CDC5L: variants seen among roughly 807,000 people sequenced by gnomAD.
The protein encoded by CDC5L is cell division cycle 5-like protein.
In CDC5L, 18 loss-of-function variants were observed where a neutral mutation model predicts 104.1. The observed-to-expected ratio is 0.17, with a 90% CI of 0.12 to 0.26. The LOEUF (loss-of-function observed/expected upper bound fraction) is 0.26, where lower values mean the gene tolerates loss of function less well. Among genes scored for constraint, CDC5L ranks in the 10% least tolerant of loss-of-function variants. The pLI is 1.00. For missense variants in CDC5L, 673 were observed against 956.9 expected (o/e 0.70, Z 3.91); for synonymous variants, 331 against 322.7 (o/e 1.03, Z -0.28).
At chr6:44,446,143 TC>T (rs1793443161) in intron 15 of CDC5L, among the ~76,000 whole-genome samples, 1 of 152,238 alleles carries the variant, frequency 6.6e-6, no homozygotes, top group South Asian at 2.1e-4. Context: ...TTGTGATTTG[TC>T]CCCTTGAAAC....
At chr6:44,401,546 C>T (rs1791125336) in intron 5 of CDC5L, among the ~76,000 whole-genome samples, 1 of 152,064 alleles carries the variant, frequency 6.6e-6, no homozygotes, top group African/African-American at 2.4e-5. Context: ...GTCCTGGGTT[C>T]TTGGCTGCAC....
rs1425100197 is a variant in CDC5L at position 44,450,154 on chromosome 6, A to G, written c.*3443A>G. On this transcript the variant is annotated 3_prime_UTR_variant, in exon 16 of 16. Transcript: ENST00000371477. ...GCTAGAATTACAGGTGTGAGCCACC[A>G]TGCCCAGCCTGGTTATTGTATTTTG... 5 of 152,196 alleles carry G rather than the reference A, an allele frequency of 3.3e-5. No homozygotes were observed. The highest frequency in any genetic ancestry group is 2.6e-4 in the Admixed American group (4 of 15,276). The allele number at this position is 152,196 out of a possible 1,614,324, so 9.4% of individuals were successfully genotyped here.
At chr6:44,405,090 T>C (rs1791305790) in intron 6 of CDC5L, among the ~76,000 whole-genome samples, 1 of 152,230 alleles carries the variant, frequency 6.6e-6, no homozygotes, top group Non-Finnish European at 1.5e-5. Context: ...GGGATAAATA[T>C]ACATTTATAA....
At chr6:44,409,600 C>T (rs1791537333) in intron 8 of CDC5L, among the ~76,000 whole-genome samples, 1 of 152,138 alleles carries the variant, frequency 6.6e-6, no homozygotes, top group African/African-American at 2.4e-5. Context: ...TTGTTTTATT[C>T]AGTTGCTAAG....
intron 11 of CDC5L, 49 bp from the exon 12 acceptor site, chr6:44,426,054 T>TA (rs71305775): frequency 2.6e-5 from 33 of 1,250,174 alleles, no homozygotes; most frequent in Admixed American, 1.2e-4. Context: ...TACTGAGAGA[T>TA]ATCAAATACG....
At chr6:44,403,625 T>C (rs1356619686) in intron 5 of CDC5L, among the ~76,000 whole-genome samples, 184 bp from the exon 6 acceptor site, 1 of 152,192 alleles carries the variant, frequency 6.6e-6, no homozygotes, top group African/African-American at 2.4e-5. Flanking sequence ...TTTGCCTTAT[T>C]ATGTGTATGT....
intron 5 of CDC5L, among the ~76,000 whole-genome samples, chr6:44,399,900 C>T (rs1791041343): frequency 6.6e-6 from 1 of 152,070 alleles, no homozygotes; most frequent in Admixed American, 6.5e-5. Flanking sequence ...ATCTGCCTGC[C>T]TCGGCCTTCC....
intron 14 of CDC5L, among the ~76,000 whole-genome samples, chr6:44,441,932 C>CTTTTTTTTTTTT (rs145016358): frequency 1.1e-5 from 1 of 92,868 alleles, no homozygotes; most frequent in African/African-American, 4.4e-5. Context: ...AGGTCTTGTT[C>CTTTTTTTTTTTT]TTTTTTTTTT....
chr6:44,392,550 C>T, intron 2 of CDC5L, 117 bp from the exon 3 acceptor site: 2 of 867,948 alleles, frequency 2.3e-6, no homozygotes, highest in South Asian at 1.8e-5. Flanking sequence ...ATTCTGTTGT[C>T]AAAAAGAACA....
intron 1 of CDC5L, among the ~76,000 whole-genome samples, chr6:44,389,950 C>A (rs574304811): frequency 6.6e-6 from 1 of 152,140 alleles, no homozygotes; most frequent in Non-Finnish European, 1.5e-5. Flanking sequence ...GACAGCCACA[C>A]GTTGAAGAAT....
At chr6:44,395,489 C>A (rs765681202) in intron 4 of CDC5L, among the ~76,000 whole-genome samples, 10 of 152,180 alleles carry the variant, frequency 6.6e-5, no homozygotes, top group Non-Finnish European at 1.3e-4. Context: ...CCCTTTCTTG[C>A]GAGATGGGGA....
At chr6:44,390,402 A>G in intron 2 of CDC5L, 31 bp downstream of exon 2, 1 of 1,311,562 alleles carries the variant, frequency 7.6e-7, no homozygotes, top group Non-Finnish European at 1.1e-6. Flanking sequence ...TGGAAAACAG[A>G]AAAGGAGCTT....
At chr6:44,439,102 C>T in intron 14 of CDC5L, among the ~76,000 whole-genome samples, 1 of 152,150 alleles carries the variant, frequency 6.6e-6, no homozygotes, top group Non-Finnish European at 1.5e-5. Context: ...TAAGTGGAAT[C>T]ATGTAATATG....
At chr6:44,436,756 G>A (rs1225215447) in intron 14 of CDC5L, among the ~76,000 whole-genome samples, 3 of 152,040 alleles carry the variant, frequency 2.0e-5, no homozygotes, top group African/African-American at 7.2e-5. Flanking sequence ...TTTAGATACC[G>A]TATTATGAAA....
intron 12 of CDC5L, 66 bp downstream of exon 12, chr6:44,426,249 A>G (rs756939725): frequency 7.8e-5 from 91 of 1,170,830 alleles, no homozygotes; most frequent in Non-Finnish European, 1.0e-4. Context: ...TGCGTTTTAC[A>G]TCATTCATAA....
chr6:44,392,504 A>G (rs1790668394), intron 2 of CDC5L, among the ~76,000 whole-genome samples, 163 bp from the exon 3 acceptor site: 1 of 152,238 alleles, frequency 6.6e-6, no homozygotes, highest in Admixed American at 6.5e-5. Context: ...TGAGATGGGG[A>G]ATATTGACTG....
chr6:44,393,721 G>C, intron 4 of CDC5L, 148 bp downstream of exon 4: 1 of 771,102 alleles, frequency 1.3e-6, no homozygotes, highest in Non-Finnish European at 1.9e-6. Flanking sequence ...CTGGAATGAA[G>C]TGGCACAATC....
At chr6:44,427,155 A>AT (rs972706069) in intron 13 of CDC5L, among the ~76,000 whole-genome samples, 34 of 151,950 alleles carry the variant, frequency 2.2e-4, no homozygotes, top group Admixed American at 1.8e-3. Context: ...GGAAGGAAGT[A>AT]TTTTTTTTAC....
chr6:44,421,042 C>CT (rs1299320545), intron 9 of CDC5L, among the ~76,000 whole-genome samples: 1 of 152,164 alleles, frequency 6.6e-6, no homozygotes, highest in African/African-American at 2.4e-5. Context: ...CGAATAAACT[C>CT]TTTGTTTTGG....
Sources: gnomAD v4.1 joint callset for allele counts (sites outside exome capture counted in the v4.1 genomes callset) on GRCh38, gnomAD v4.1.1 for gene constraint, MANE v1.5 for transcripts, NCBI Gene and HGNC (gene_info 2026-07-23, HGNC 2026-07-21) for gene names.